LAMA2: variants seen among roughly 807,000 people sequenced by gnomAD.
LAMA2 encodes laminin subunit alpha 2, also known as laminin subunit alpha-2.
In LAMA2, 269 loss-of-function variants were observed where a neutral mutation model predicts 364.8. That is an observed-to-expected ratio of 0.74 (90% CI 0.67 to 0.82). The LOEUF is 0.82. Among genes scored for constraint, LAMA2 ranks in the 40% least tolerant of loss-of-function variants. The pLI is 0.00. For missense variants in LAMA2, 3,807 were observed against 3,873.2 expected (o/e 0.98, Z 0.45); for synonymous variants, 1,379 against 1,370.6 (o/e 1.01, Z -0.14).
chr6:129,206,852 G>A (rs1204360750), intron 12 of LAMA2, among the ~76,000 whole-genome samples: 1 of 152,216 alleles, frequency 6.6e-6, no homozygotes, highest in Non-Finnish European at 1.5e-5. Context: ...GTAGTTTGTT[G>A]GGTGATTGAA....
At chr6:129,205,221 C>G (rs1782546085) in intron 12 of LAMA2, among the ~76,000 whole-genome samples, 1 of 118,644 alleles carries the variant, frequency 8.4e-6, no homozygotes, top group South Asian at 2.5e-4. Flanking sequence ...AACCCCGTCT[C>G]TACTAAAAAA....
At chr6:128,974,997 G>A (rs1185948412) in intron 1 of LAMA2, among the ~76,000 whole-genome samples, 12 of 151,660 alleles carry the variant, frequency 7.9e-5, no homozygotes, top group African/African-American at 2.2e-4. Context: ...GACTACAGGC[G>A]CCCACCACCA....
chr6:128,925,723 TCTA>T (rs1779045825), intron 1 of LAMA2, among the ~76,000 whole-genome samples: 1 of 152,226 alleles, frequency 6.6e-6, no homozygotes, highest in African/African-American at 2.4e-5. Context: ...CTCCCAGTGC[TCTA>T]TACAGAGAAA....
chr6:129,288,477 A>G (rs564692546), intron 19 of LAMA2, among the ~76,000 whole-genome samples: 1 of 152,290 alleles, frequency 6.6e-6, no homozygotes, highest in Non-Finnish European at 1.5e-5. Flanking sequence ...GGTGTTAATC[A>G]GTTATGCTTT....
At chr6:129,500,138 C>T (rs1478343248) in intron 58 of LAMA2, among the ~76,000 whole-genome samples, 4 of 152,018 alleles carry the variant, frequency 2.6e-5, no homozygotes, top group Admixed American at 2.0e-4. Context: ...AGGGGGAGGT[C>T]GAGATTTGTA....
chr6:129,057,869 A>G lies in LAMA2; in HGVS notation c.284-1915A>G, dbSNP rs535151116. Among the ~76,000 whole-genome samples the G allele has an allele frequency of 1.2e-3, 187 of 152,314 alleles. 2 individuals carry two copies. Among genetic ancestry groups the G allele is most frequent in the African/African-American group, 4.1e-3 (171 of 41,564 alleles). On this transcript the variant is annotated intron_variant, in intron 2 of 64. Coordinates refer to ENST00000421865, the MANE Select transcript of LAMA2 (RefSeq NM_000426.4). ...TTCCTTATGTGAGGTATTCCTTCAA[A>G]TTTAAAAAGGATTGTGTTCTAATCT...
intron 1 of LAMA2, among the ~76,000 whole-genome samples, chr6:128,887,864 T>C (rs1053597647): frequency 1.1e-4 from 17 of 152,122 alleles, no homozygotes; most frequent in African/African-American, 3.4e-4. Flanking sequence ...AGGGAGACTC[T>C]ATCTCAAACA....
At chr6:129,180,535 A>C (rs1780868152) in intron 10 of LAMA2, among the ~76,000 whole-genome samples, 1 of 152,072 alleles carries the variant, frequency 6.6e-6, no homozygotes, top group Non-Finnish European at 1.5e-5. Flanking sequence ...TTCATTAGGA[A>C]GTCTTGGGCC....
At chr6:129,476,009 C>T (rs572164553) in intron 53 of LAMA2, among the ~76,000 whole-genome samples, 10 of 152,170 alleles carry the variant, frequency 6.6e-5, no homozygotes, top group South Asian at 2.1e-4. Flanking sequence ...TAAGTATTTG[C>T]GTTAATAGTA....
intron 12 of LAMA2, among the ~76,000 whole-genome samples, chr6:129,227,456 G>A (rs12111102): frequency 0.013 from 1,972 of 152,244 alleles, 44 homozygotes; most frequent in African/African-American, 0.045. Context: ...CCCCATCTTT[G>A]TGGTTTTATC....
chr6:129,217,319 C>T (rs948381489), intron 12 of LAMA2, among the ~76,000 whole-genome samples: 2 of 152,080 alleles, frequency 1.3e-5, no homozygotes, highest in African/African-American at 2.4e-5. Context: ...TTTCTATAAT[C>T]AGTCTATGTC....
At chr6:129,410,545 T>C (rs888379875) in intron 40 of LAMA2, among the ~76,000 whole-genome samples, 3 of 152,210 alleles carry the variant, frequency 2.0e-5, no homozygotes, top group African/African-American at 7.2e-5. Flanking sequence ...TAGAAATAAG[T>C]ATTAGAAATT....
intron 29 of LAMA2, among the ~76,000 whole-genome samples, chr6:129,339,492 G>T (rs1169164311): frequency 1.3e-5 from 2 of 152,146 alleles, no homozygotes; most frequent in African/African-American, 4.8e-5. Context: ...GAGATATCCA[G>T]GCTGAATACA....
chr6:129,345,397 A>G (rs1251244902), intron 30 of LAMA2, among the ~76,000 whole-genome samples: 1 of 152,218 alleles, frequency 6.6e-6, no homozygotes, highest in African/African-American at 2.4e-5. Flanking sequence ...TTGACCATCA[A>G]TAATGAAAGC....
intron 41 of LAMA2, among the ~76,000 whole-genome samples, chr6:129,432,060 G>T (rs764274958): frequency 9.9e-5 from 15 of 152,196 alleles, no homozygotes; most frequent in South Asian, 4.1e-4. Context: ...ATTACCCTTT[G>T]CCTGAATCAG....
chr6:129,195,270 T>C (rs1781767637), intron 12 of LAMA2, among the ~76,000 whole-genome samples: 1 of 152,200 alleles, frequency 6.6e-6, no homozygotes, highest in South Asian at 2.1e-4. Context: ...CATGCTGTTA[T>C]TCTTTTTTTA....
chr6:128,955,890 G>T (rs868528217), intron 1 of LAMA2, among the ~76,000 whole-genome samples: 14 of 151,914 alleles, frequency 9.2e-5, no homozygotes, highest in African/African-American at 3.4e-4. Context: ...TGTAGGTAGG[G>T]TGGTTGATCA....
In LAMA2 at chr6:129,173,665, T is replaced by C. The variant is rs575191527; in HGVS notation, c.1307-4041T>C. On this transcript the variant is annotated intron_variant, in intron 9 of 64. Coordinates refer to ENST00000421865, the MANE Select transcript of LAMA2 (RefSeq NM_000426.4). Reference sequence around the variant, plus strand: ...ACATATTATTTGATACAGGCTCGAATTGCAAAATTGGACACATATTTGTAG... The same window carrying C: ...ACATATTATTTGATACAGGCTCGAACTGCAAAATTGGACACATATTTGTAG... 3.3e-4 allele frequency among the ~76,000 whole-genome samples: 51 copies of C among 152,302 alleles called. 1 individual carries two copies. In the East Asian group the frequency reaches 9.1e-3, roughly 27 times the overall value.
At chr6:129,047,876 C>T (rs565316367) in intron 1 of LAMA2, among the ~76,000 whole-genome samples, 1 of 152,060 alleles carries the variant, frequency 6.6e-6, no homozygotes, top group African/African-American at 2.4e-5. Flanking sequence ...CTAAGGCCAA[C>T]CAGGTCCGCA....
Sources: gnomAD v4.1 joint callset for allele counts (sites outside exome capture counted in the v4.1 genomes callset) on GRCh38, gnomAD v4.1.1 for gene constraint, MANE v1.5 for transcripts, NCBI Gene and HGNC (gene_info 2026-07-23, HGNC 2026-07-21) for gene names.